The following CDH9 variants were observed in gnomAD, a reference collection of about 807,000 sequenced individuals.
The protein encoded by CDH9 is cadherin 9, also known as cadherin-9.
Under a neutral mutation model 70.9 loss-of-function variants are expected in CDH9, and 28 were observed. The ratio of observed to expected loss-of-function variants is 0.40; its 90% confidence interval spans 0.29 to 0.54. The LOEUF is 0.54. CDH9 is among the 20% of genes least tolerant of loss of function. The probability of loss-of-function intolerance (pLI) is 0.59; values close to 1 mark genes in which losing one functional copy is unlikely to be tolerated. For synonymous variants in CDH9, 409 were observed against 343.1 expected, an observed-to-expected ratio of 1.19 and a Z score of -2.12; for missense variants, 874 against 984.4, an observed-to-expected ratio of 0.89 and a Z score of 1.50.
chr5:26,949,212 G>T lies in CDH9; in HGVS notation c.229-33288C>A, dbSNP rs932859766. On this transcript the variant is annotated intron_variant, in intron 2 of 11. Transcript: ENST00000231021. ...CCAGTAAATGCAGCTCCATTACCAA[G>T]CAACGAGGTTTGTCTTTTATTCTCT... Among the ~76,000 whole-genome samples, 4 of 152,132 alleles carry T rather than the reference G, an allele frequency of 2.6e-5. No individual in the cohort carries two copies. The South Asian group carries it at 6.2e-4, about 24-fold the overall frequency.
chr5:26,918,173 G>C (rs576200254), intron 2 of CDH9, among the ~76,000 whole-genome samples: 1 of 152,034 alleles, frequency 6.6e-6, no homozygotes, highest in Admixed American at 6.5e-5. Context: ...GTCTCAGAAG[G>C]CCTGTTCTAG....
chr5:26,973,488 G>A (rs1742255423), intron 2 of CDH9, among the ~76,000 whole-genome samples: 2 of 151,640 alleles, frequency 1.3e-5, no homozygotes, highest in African/African-American at 4.9e-5. Flanking sequence ...AGCAGCACAA[G>A]ACATATTAAT....
At chr5:27,011,061 A>G (rs757747903) in intron 1 of CDH9, among the ~76,000 whole-genome samples, 11 of 152,044 alleles carry the variant, frequency 7.2e-5, no homozygotes, top group Non-Finnish European at 1.5e-4. Flanking sequence ...TTCACATTTC[A>G]ATGGGCATAA....
At chr5:27,029,243 A>C (rs1743271444) in intron 1 of CDH9, among the ~76,000 whole-genome samples, 1 of 152,034 alleles carries the variant, frequency 6.6e-6, no homozygotes, top group Non-Finnish European at 1.5e-5. Context: ...TATTGGTTTC[A>C]ATTTTAGAGG....
intron 1 of CDH9, among the ~76,000 whole-genome samples, chr5:26,998,141 T>C (rs1742698645): frequency 6.6e-6 from 1 of 152,198 alleles, no homozygotes; most frequent in Non-Finnish European, 1.5e-5. Context: ...CATGTGTTAA[T>C]ACTTGCCTTT....
At chr5:26,955,451 T>C (rs1421309513) in intron 2 of CDH9, among the ~76,000 whole-genome samples, 1 of 152,224 alleles carries the variant, frequency 6.6e-6, no homozygotes, top group Non-Finnish European at 1.5e-5. Flanking sequence ...TTCATTTCCA[T>C]GCCTTTTTAA....
intron 1 of CDH9, among the ~76,000 whole-genome samples, chr5:27,020,625 G>T (rs966223489): frequency 1.3e-5 from 2 of 151,250 alleles, no homozygotes; most frequent in African/African-American, 4.8e-5. Context: ...TAAGAAAGTT[G>T]CACAGACTTT....
At chr5:26,985,429 C>T (rs1335165577) in intron 2 of CDH9, among the ~76,000 whole-genome samples, 1 of 152,040 alleles carries the variant, frequency 6.6e-6, no homozygotes, top group Non-Finnish European at 1.5e-5. Flanking sequence ...ACAATTAAGA[C>T]TAAATCTTAT....
At chr5:26,925,427 T>A (rs2112017216) in intron 2 of CDH9, among the ~76,000 whole-genome samples, 1 of 152,272 alleles carries the variant, frequency 6.6e-6, no homozygotes, top group East Asian at 1.9e-4. Context: ...TTGTTTAAGT[T>A]CTTTGTAGAT....
chr5:26,924,445 A>C (rs189913424), intron 2 of CDH9, among the ~76,000 whole-genome samples: 1 of 151,722 alleles, frequency 6.6e-6, no homozygotes, highest in Admixed American at 6.6e-5. Context: ...CAATGACTTC[A>C]CTGCTGAATT....
rs529850485 is a variant in CDH9, at chr5:26,881,025, G to T, written c.*111C>A. On this transcript the variant is annotated 3_prime_UTR_variant, in exon 12 of 12. Coordinates refer to ENST00000231021, the MANE Select transcript of CDH9 (RefSeq NM_016279.4). ...CCCTACTTGACAACATCTACGTATT[G>T]TTTGTAACTTCAATTTTTGAAAGAT... 7.8e-5 allele frequency: 77 copies of T among 983,414 alleles called. No homozygotes were observed. The African/African-American group carries it at 1.1e-3, about 14-fold the overall frequency. The allele number at this position is 983,414 out of a possible 1,614,324, so 60.9% of individuals were successfully genotyped here. A position where few individuals can be genotyped will look rare whatever the true frequency, so the allele number is the denominator to read the frequency against.
At chr5:26,939,844 A>T (rs1741629039) in intron 2 of CDH9, among the ~76,000 whole-genome samples, 1 of 152,128 alleles carries the variant, frequency 6.6e-6, no homozygotes, top group African/African-American at 2.4e-5. Context: ...AATAAAAGTA[A>T]AACTAATTTG....
chr5:26,934,499 T>A (rs1460876233), intron 2 of CDH9, among the ~76,000 whole-genome samples: 2 of 152,076 alleles, frequency 1.3e-5, no homozygotes, highest in Non-Finnish European at 2.9e-5. Context: ...CATTCACTCC[T>A]GGGAGAATAG....
chr5:26,962,592 T>A lies in CDH9; in HGVS notation c.228+25514A>T, dbSNP rs560531025. Among the ~76,000 whole-genome samples, 9 of 152,278 alleles carry A rather than the reference T, an allele frequency of 5.9e-5. No homozygotes were observed. In the East Asian group the frequency reaches 1.7e-3, roughly 29 times the overall value. Reference sequence around the variant, plus strand: ...CCCAGTGATGATGAGCATTTTTTTGTAAGTTTGTTGGCTGCATAAATGTCT... The same window carrying A: ...CCCAGTGATGATGAGCATTTTTTTGAAAGTTTGTTGGCTGCATAAATGTCT... On this transcript the variant is annotated intron_variant, in intron 2 of 11. Transcript: ENST00000231021.
At chr5:26,904,869 T>C (rs1282457099) in intron 5 of CDH9, among the ~76,000 whole-genome samples, 1 of 152,116 alleles carries the variant, frequency 6.6e-6, no homozygotes, top group African/African-American at 2.4e-5. Context: ...TATTTTATTA[T>C]TACTCTTATA....
intron 2 of CDH9, among the ~76,000 whole-genome samples, chr5:26,945,111 C>CT (rs138515228): frequency 0.052 from 7,747 of 150,260 alleles, 664 homozygotes; most frequent in African/African-American, 0.18. Context: ...TACATTTTTA[C>CT]TTTTTTTTTA....
chr5:26,922,039 AAGAG>A (rs1044203173), intron 2 of CDH9, among the ~76,000 whole-genome samples: 9 of 136,828 alleles, frequency 6.6e-5, no homozygotes, highest in South Asian at 2.4e-4. Context: ...AAAAAAAAAA[AAGAG>A]AGAGAGAGAA....
intron 7 of CDH9, among the ~76,000 whole-genome samples, chr5:26,892,718 G>C (rs368991325): frequency 7.2e-6 from 1 of 139,616 alleles, no homozygotes; most frequent in African/African-American, 2.7e-5. Context: ...GCATTTTTTT[G>C]TTGTTGTTGT....
intron 1 of CDH9, among the ~76,000 whole-genome samples, chr5:27,005,391 C>A (rs1404080955): frequency 6.6e-6 from 1 of 152,012 alleles, no homozygotes; most frequent in Non-Finnish European, 1.5e-5. Context: ...AGAAGACATA[C>A]ATGCGGCCAA....
Sources: allele counts gnomAD v4.1 joint callset (sites outside exome capture counted in the v4.1 genomes callset), GRCh38; gene constraint gnomAD v4.1.1; transcripts MANE v1.5; gene names NCBI Gene and HGNC (gene_info 2026-07-23, HGNC 2026-07-21).